ITGB3BP: variants seen among roughly 807,000 people sequenced by gnomAD.
The protein encoded by ITGB3BP is integrin subunit beta 3 binding protein.
A neutral mutation model predicts 29.1 loss-of-function variants in ITGB3BP; 27 were observed. The observed-to-expected ratio is 0.93, with a 90% CI of 0.68 to 1.28. The LOEUF (loss-of-function observed/expected upper bound fraction) is 1.28. ITGB3BP is among the 50% of genes most tolerant of loss of function. ITGB3BP has a pLI of 0.00. For synonymous variants in ITGB3BP, 61 were observed against 61.4 expected, an observed-to-expected ratio of 0.99 and a Z score of 0.03; for missense variants, 192 against 200.2, an observed-to-expected ratio of 0.96 and a Z score of 0.25.
upstream of ITGB3BP, chr1:63,523,480 T>G (rs186661974): frequency 1.1e-4 from 41 of 384,776 alleles, no homozygotes; most frequent in East Asian, 1.6e-3. Flanking sequence ...AGCCGGATCG[T>G]TTGGAGAAGG....
chr1:63,462,536 G>T (rs527371794), intron 4 of ITGB3BP, among the ~76,000 whole-genome samples: 9 of 152,308 alleles, frequency 5.9e-5, no homozygotes, highest in African/African-American at 1.9e-4. Context: ...AGGTGTCCTT[G>T]TTTTGCTCCT....
intron 2 of ITGB3BP, among the ~76,000 whole-genome samples, chr1:63,502,474 G>A (rs974488829): frequency 6.6e-6 from 1 of 151,416 alleles, no homozygotes; most frequent in Admixed American, 6.6e-5. Flanking sequence ...CACAAGGCTG[G>A]GAAGGCCTCA....
At chr1:63,526,036 T>G (rs1341065122), upstream of ITGB3BP, among the ~76,000 whole-genome samples, 1 of 152,178 alleles carries the variant, frequency 6.6e-6, no homozygotes, top group Non-Finnish European at 1.5e-5. Context: ...TTTTGGTGCT[T>G]TAAGATTTAT....
chr1:63,459,163 T>C (rs1454539382), intron 4 of ITGB3BP, among the ~76,000 whole-genome samples: 1 of 152,102 alleles, frequency 6.6e-6, no homozygotes, highest in East Asian at 1.9e-4. Context: ...TAACTCTCCA[T>C]GTACCTAATT....
chr1:63,445,580 A>T (rs1644780898), intron 8 of ITGB3BP, among the ~76,000 whole-genome samples: 1 of 152,000 alleles, frequency 6.6e-6, no homozygotes, highest in Non-Finnish European at 1.5e-5. Flanking sequence ...ATAGCAGGCA[A>T]AACACCTGGT....
intron 1 of ITGB3BP, among the ~76,000 whole-genome samples, chr1:63,511,132 C>T (rs1646190820): frequency 6.6e-6 from 1 of 152,048 alleles, no homozygotes; most frequent in African/African-American, 2.4e-5. Context: ...ATATACACTT[C>T]TCCAAAGTGA....
intron 1 of ITGB3BP, among the ~76,000 whole-genome samples, chr1:63,517,491 T>C (rs1038319088): frequency 8.5e-5 from 13 of 152,088 alleles, no homozygotes; most frequent in African/African-American, 3.1e-4. Context: ...TGTAGAGGTC[T>C]TGCATGTCTT....
At chr1:63,506,188 G>C (rs1055335542) in intron 2 of ITGB3BP, among the ~76,000 whole-genome samples, 3 of 152,092 alleles carry the variant, frequency 2.0e-5, no homozygotes, top group African/African-American at 7.2e-5. Context: ...CTTTATGAAT[G>C]TGGGTGCTCC....
chr1:63,447,699 G>A (rs1382027255), intron 7 of ITGB3BP: 3 of 454,726 alleles, frequency 6.6e-6, no homozygotes, highest in African/African-American at 6.0e-5. Flanking sequence ...GAGAGGATGT[G>A]GAGAAATAGG....
intron 2 of ITGB3BP, among the ~76,000 whole-genome samples, chr1:63,491,677 T>C (rs761686597): frequency 2.4e-4 from 36 of 151,930 alleles, no homozygotes; most frequent in Non-Finnish European, 4.1e-4. Flanking sequence ...TCAAAAAAAA[T>C]TTTTTTACAG....
rs143191806 is a variant in ITGB3BP, at chr1:63,481,920, T to C, written c.185-3087A>G. ...AGCCCATAAAGTTAGTGAGTGAGGA[T>C]TGAAACCCAGACATTTAGCTGAAGA... On this transcript the variant is annotated intron_variant, in intron 3 of 8. Transcript: ENST00000271002. 1.3e-3 allele frequency among the ~76,000 whole-genome samples: 191 copies of C among 152,278 alleles called. No individual in the cohort carries two copies. The Middle Eastern group carries it at 0.014, about 11-fold the overall frequency.
At chr1:63,491,211 C>G (rs1354716403) in intron 2 of ITGB3BP, among the ~76,000 whole-genome samples, 1 of 152,266 alleles carries the variant, frequency 6.6e-6, no homozygotes, top group East Asian at 1.9e-4. Context: ...CCTGAATTCC[C>G]TTAAAACTTG....
chr1:63,515,424 CT>C (rs1342476082), intron 1 of ITGB3BP, among the ~76,000 whole-genome samples: 1 of 151,964 alleles, frequency 6.6e-6, no homozygotes, highest in African/African-American at 2.4e-5. Context: ...CAACTTCATT[CT>C]TTTTTTTCAA....
chr1:63,476,455 A>T (rs1645342428), intron 4 of ITGB3BP, among the ~76,000 whole-genome samples: 1 of 152,246 alleles, frequency 6.6e-6, no homozygotes, highest in African/African-American at 2.4e-5. Flanking sequence ...ATACTTAAAT[A>T]ACAGAGATCT....
At chr1:63,520,967 G>A (rs1646431650) in intron 1 of ITGB3BP, among the ~76,000 whole-genome samples, 1 of 151,966 alleles carries the variant, frequency 6.6e-6, no homozygotes, top group Non-Finnish European at 1.5e-5. Context: ...TCATCCATCC[G>A]CTCTATTGTC....
rs538908072 is a variant in ITGB3BP, at chr1:63,454,423, T to C, written c.384A>G (p.Ala128=). 1.9e-6 allele frequency: 3 copies of C among 1,604,884 alleles called. No individual in the cohort carries two copies. The highest frequency in any genetic ancestry group is 1.3e-5 in the African/African-American group (1 of 74,618). ...ELENLIGISC[A]SHFLKREMQK... The stretch of plus-strand genomic sequence containing the variant: ...GCATTTCTCTTTTTAAGAAATGTGA[T>C]GCACAGGAGATTCCAATGAGATTTT... The change falls in exon 6 of 9, where the codon GCA becomes GCG. Residue 128 remains alanine, a synonymous_variant. Transcript: ENST00000271002. This position sits in a 1 kb window ranked among gnomAD's most constrained non-coding sequence, Gnocchi z 4.1.
At chr1:63,510,932 A>C (rs928088075) in intron 1 of ITGB3BP, among the ~76,000 whole-genome samples, 2 of 152,208 alleles carry the variant, frequency 1.3e-5, no homozygotes, top group African/African-American at 4.8e-5. Flanking sequence ...CGGATGAAAC[A>C]TATGAAGGAA....
chr1:63,483,187 G>C (rs1645470194), intron 3 of ITGB3BP, among the ~76,000 whole-genome samples: 1 of 152,200 alleles, frequency 6.6e-6, no homozygotes, highest in East Asian at 1.9e-4. Flanking sequence ...TTGACAGTCT[G>C]ATAACTGATT....
rs1353936578 is a variant in ITGB3BP, at chr1:63,478,825, TTC to T, written c.191_192del (p.Arg64LysfsTer10). On this transcript the variant is annotated frameshift_variant, in exon 4 of 9. Transcript: ENST00000271002. LOFTEE classifies it high-confidence loss of function. ...GTTAAACTGGGGTGATTCAATTTTTTTCTCTTTTCTATATATGTGTAATAAAG... is the reference window on the plus strand; with the variant it reads ...GTTAAACTGGGGTGATTCAATTTTTTTCTTTTCTATATATGTGTAATAAAG... ...KHRNGLSNEK[R>X]KKLNHPSLTE... 2 of 1,331,204 alleles carry T rather than the reference TTC, an allele frequency of 1.5e-6. No homozygotes were observed. The highest frequency in any genetic ancestry group is 2.1e-6 in the Non-Finnish European group (2 of 966,370). 82.5% of individuals were successfully genotyped at this position (1,331,204 alleles called of 1,614,324 possible).
Sources: gnomAD v4.1 joint callset for allele counts (sites outside exome capture counted in the v4.1 genomes callset) on GRCh38, gnomAD v4.1.1 for gene constraint, Gnocchi (gnomAD v3.1) non-coding constraint, MANE v1.5 for transcripts, NCBI Gene and HGNC (gene_info 2026-07-23, HGNC 2026-07-21) for gene names.